The following UTRN variants were observed in gnomAD, a reference collection of about 807,000 sequenced individuals.
UTRN encodes the protein dystrophin-related protein 1.
In UTRN, 283 loss-of-function variants were observed where a neutral mutation model predicts 463.9. That is an observed-to-expected ratio of 0.61 (90% CI 0.55 to 0.67). The LOEUF is 0.67. UTRN is among the 30% of genes least tolerant of loss of function. The pLI, the probability that UTRN is intolerant of heterozygous loss-of-function variation, is 0.00. For synonymous variants in UTRN, 1,442 were observed against 1,431.5 expected, an observed-to-expected ratio of 1.01 and a Z score of -0.17; for missense variants, 3,922 against 4,084.3, an observed-to-expected ratio of 0.96 and a Z score of 1.08.
chr6:144,732,285 T>TATATATATATATACACAC (rs1788754827), intron 54 of UTRN, among the ~76,000 whole-genome samples: 1 of 120,510 alleles, frequency 8.3e-6, no homozygotes, highest in African/African-American at 3.0e-5. Context: ...TATACACACA[T>TATATATATATATACACAC]ATATATATAT....
chr6:144,598,777 A>C (rs575608006), intron 51 of UTRN, among the ~76,000 whole-genome samples: 52 of 152,264 alleles, frequency 3.4e-4, no homozygotes, highest in African/African-American at 1.2e-3. Flanking sequence ...TGAATTCCAA[A>C]GAGAGGAAGT....
At chr6:144,348,440 A>G (rs927036062) in intron 2 of UTRN, among the ~76,000 whole-genome samples, 3 of 152,180 alleles carry the variant, frequency 2.0e-5, no homozygotes, top group Non-Finnish European at 4.4e-5. Flanking sequence ...ATCCAAATAA[A>G]GGAACACAGA....
chr6:144,314,356 A>C (rs1243196069), intron 2 of UTRN, among the ~76,000 whole-genome samples: 1 of 152,180 alleles, frequency 6.6e-6, no homozygotes, highest in Non-Finnish European at 1.5e-5. Flanking sequence ...TCCACTCCCT[A>C]GAGCTGGCCA....
At chr6:144,669,610 G>A (rs1297945028) in intron 51 of UTRN, among the ~76,000 whole-genome samples, 1 of 151,824 alleles carries the variant, frequency 6.6e-6, no homozygotes, top group Non-Finnish European at 1.5e-5. Context: ...CAGTAGTTTT[G>A]GGGGGAACAG....
chr6:144,303,209 TGTGAAAA>T (rs1007715806), intron 2 of UTRN, among the ~76,000 whole-genome samples: 9 of 152,240 alleles, frequency 5.9e-5, no homozygotes, highest in African/African-American at 2.2e-4. Flanking sequence ...GGGGAAAGGA[TGTGAAAA>T]GTGGTTAGCA....
At chr6:144,659,370 G>A (rs1779627552) in intron 51 of UTRN, among the ~76,000 whole-genome samples, 1 of 152,174 alleles carries the variant, frequency 6.6e-6, no homozygotes, top group Non-Finnish European at 1.5e-5. Context: ...ACTGCTGTCA[G>A]ATCAGCCAGG....
Position 144,539,357 on chromosome 6 carries a change from G to C in UTRN, c.6433G>C (p.Glu2145Gln), listed in dbSNP as rs898911637. Reference protein sequence around the residue: ...KLKWLNRTELEMLSDKSLSLP... With the variant: ...KLKWLNRTELQMLSDKSLSLP... Reference sequence around the variant, plus strand: ...CAAATGGCTGAATAGAACTGAATTGGAGATGCTTTCAGATAAAAGTCTGAG... The same window carrying C: ...CAAATGGCTGAATAGAACTGAATTGCAGATGCTTTCAGATAAAAGTCTGAG... The change falls in exon 45 of 75, where the codon GAG becomes CAG. Residue 2145 changes from glutamate (E) to glutamine (Q), a missense_variant. Physicochemically the swap from Glu to Gln is conservative, Grantham distance 29. Transcript: ENST00000367545. 3.7e-6 allele frequency: 6 copies of C among 1,613,386 alleles called. No homozygotes were observed. The highest frequency in any genetic ancestry group is 3.4e-6 in the Non-Finnish European group (4 of 1,179,724).
chr6:144,429,470 A>G (rs1785597434), intron 8 of UTRN, 111 bp from the exon 9 acceptor site: 1 of 918,508 alleles, frequency 1.1e-6, no homozygotes, highest in Non-Finnish European at 1.6e-6. Flanking sequence ...AAGATTATAT[A>G]TTAGGTATTG....
chr6:144,540,824 G>A (rs1457954611), intron 45 of UTRN, among the ~76,000 whole-genome samples: 1 of 152,192 alleles, frequency 6.6e-6, no homozygotes, highest in African/African-American at 2.4e-5. Context: ...CTACTGGATG[G>A]ATGGTTTATT....
Position 144,641,030 on chromosome 6 carries a change from C to T in UTRN, c.7480-37376C>T, listed in dbSNP as rs556771914. Among the ~76,000 whole-genome samples the T allele has an allele frequency of 4.6e-5, 7 of 152,216 alleles. No homozygotes were observed. The South Asian group carries it at 1.5e-3, about 32-fold the overall frequency. On this transcript the variant is annotated intron_variant, in intron 51 of 74. Coordinates refer to ENST00000367545, the MANE Select transcript of UTRN (RefSeq NM_007124.3). The stretch of plus-strand genomic sequence containing the variant: ...TGTATCTTAGGGTTCCTAACTCATT[C>T]TTACCAATGATAATAACTCTGAACC...
In UTRN at chr6:144,753,852, G is replaced by A. The variant is rs1052526577; in HGVS notation, c.8356-868G>A. On this transcript the variant is annotated intron_variant, in intron 56 of 74. Coordinates refer to ENST00000367545, the MANE Select transcript of UTRN (RefSeq NM_007124.3). ...ACTGAACTCCAGCCTGGGCAACAGA[G>A]TGAGACTCTGTCTTTACAAACAAAA... Among the ~76,000 whole-genome samples the A allele has an allele frequency of 6.6e-5, 10 of 152,064 alleles. No homozygotes were observed. In the South Asian group the frequency reaches 8.3e-4, roughly 13 times the overall value.
chr6:144,751,889 G>T lies in UTRN; in HGVS notation c.8292G>T (p.Leu2764=). The T allele has an allele frequency of 6.8e-6, 11 of 1,612,330 alleles. No homozygotes were observed. The highest frequency in any genetic ancestry group is 8.5e-6 in the Non-Finnish European group (10 of 1,179,186). ...CCAGTCAGCTGTCTCCACTTGACCTGCATCCCTCTCTAAAGATGTCTCGCC... is the reference window on the plus strand; with the variant it reads ...CCAGTCAGCTGTCTCCACTTGACCTTCATCCCTCTCTAAAGATGTCTCGCC... The part of the protein sequence containing the change: ...DLSSQLSPLD[L]HPSLKMSRQL... Residue 2764 remains leucine, a synonymous_variant, in exon 56 of 75, where the codon CTG becomes CTT. Transcript: ENST00000367545.
chr6:144,819,851 T>TCCTTCTCC (rs200874029), intron 65 of UTRN, among the ~76,000 whole-genome samples: 4,138 of 145,594 alleles, frequency 0.028, 220 homozygotes, highest in African/African-American at 0.1. Flanking sequence ...AGTTTCTCTC[T>TCCTTCTCC]CCTTCTCCCC....
At chr6:144,794,055 A>T in intron 63 of UTRN, 64 bp downstream of exon 63, 1 of 1,574,794 alleles carries the variant, frequency 6.4e-7, no homozygotes, top group East Asian at 2.3e-5. Context: ...ATGTTCTGAG[A>T]CATGGAATAG....
intron 2 of UTRN, among the ~76,000 whole-genome samples, chr6:144,347,833 CTTTGTTTTTTTTT>C (rs1042767144): frequency 2.3e-4 from 30 of 130,308 alleles, no homozygotes; most frequent in South Asian, 1.7e-3. Flanking sequence ...GTGGCTTATT[CTTTGTTTTTTTTT>C]TTTGTTTTTT....
At position 144,632,397 on chromosome 6, in the gene UTRN, A is replaced by G. The variant is rs115704227; in HGVS notation, c.7480-46009A>G. Among the ~76,000 whole-genome samples, 354 of 152,282 alleles carry G rather than the reference A, an allele frequency of 2.3e-3. 4 individuals carry two copies. The highest frequency in any genetic ancestry group is 8.2e-3 in the African/African-American group (341 of 41,572). ...TGGGGGACATCTCCTCAAATTGAAG[A>G]TCTGGGAAGTAAGTAATAGAAACTT... On this transcript the variant is annotated intron_variant, in intron 51 of 74. Transcript: ENST00000367545.
chr6:144,654,772 G>C (rs759469608), intron 51 of UTRN, among the ~76,000 whole-genome samples: 16 of 152,204 alleles, frequency 1.1e-4, no homozygotes, highest in Non-Finnish European at 1.6e-4. Context: ...GCATTAACTT[G>C]TCTTGGCATT....
intron 35 of UTRN, among the ~76,000 whole-genome samples, chr6:144,511,937 G>C (rs940651423): frequency 6.6e-6 from 1 of 151,926 alleles, no homozygotes; most frequent in Non-Finnish European, 1.5e-5. Context: ...CAAATTTATA[G>C]AATTACTAGG....
intron 2 of UTRN, among the ~76,000 whole-genome samples, chr6:144,334,060 A>G (rs1006939669): frequency 2.0e-5 from 3 of 152,178 alleles, no homozygotes; most frequent in Non-Finnish European, 4.4e-5. Context: ...ATCAACAGAC[A>G]AATGCCCTTT....
Sources: gnomAD v4.1 joint callset for allele counts (sites outside exome capture counted in the v4.1 genomes callset) on GRCh38, gnomAD v4.1.1 for gene constraint, MANE v1.5 for transcripts, NCBI Gene and HGNC (gene_info 2026-07-23, HGNC 2026-07-21) for gene names.